PPM1H: variants seen among roughly 807,000 people sequenced by gnomAD.
PPM1H encodes the protein protein phosphatase, Mg2+/Mn2+ dependent 1H.
PPM1H carries 27 observed loss-of-function variants against 54.9 expected under a neutral mutation model. That is an observed-to-expected ratio of 0.49 (90% CI 0.36 to 0.68). The LOEUF (loss-of-function observed/expected upper bound fraction) is 0.68. PPM1H is among the 30% of genes least tolerant of loss of function. The pLI, the probability that PPM1H is intolerant of heterozygous loss-of-function variation, is 0.00. For synonymous variants in PPM1H, 305 were observed against 270.8 expected (o/e 1.13, Z -1.24); for missense variants, 596 against 667.8 (o/e 0.89, Z 1.19).
intron 4 of PPM1H, among the ~76,000 whole-genome samples, chr12:62,770,202 T>G (rs186128071): frequency 8.1e-4 from 123 of 152,282 alleles, no homozygotes; most frequent in African/African-American, 2.9e-3. Context: ...AAAACACTTA[T>G]TGAGCATTTA....
chr12:62,670,934 T>C (rs1218687220), intron 8 of PPM1H, among the ~76,000 whole-genome samples: 1 of 152,182 alleles, frequency 6.6e-6, no homozygotes, highest in Non-Finnish European at 1.5e-5. Flanking sequence ...TCGTGTCCTA[T>C]ACATTAACCT....
intron 1 of PPM1H, among the ~76,000 whole-genome samples, chr12:62,883,526 A>G (rs1340280573): frequency 6.6e-6 from 1 of 152,106 alleles, no homozygotes; most frequent in Non-Finnish European, 1.5e-5. Flanking sequence ...AATATTCATG[A>G]CCCTTGGATA....
intron 4 of PPM1H, among the ~76,000 whole-genome samples, chr12:62,750,975 A>G (rs2076439532): frequency 6.6e-6 from 1 of 152,248 alleles, no homozygotes; most frequent in Non-Finnish European, 1.5e-5. Context: ...ACGGTTCCCC[A>G]GCACAAATGT....
intron 1 of PPM1H, among the ~76,000 whole-genome samples, chr12:62,913,963 G>A (rs995055791): frequency 3.3e-5 from 5 of 152,120 alleles, no homozygotes; most frequent in African/African-American, 1.2e-4. Context: ...GCCTCCCAAA[G>A]TGCTGGGATT....
chr12:62,804,351 C>CAAAAAAAAAAAAA (rs371143962), intron 2 of PPM1H, among the ~76,000 whole-genome samples: 2 of 137,618 alleles, frequency 1.5e-5, no homozygotes, highest in African/African-American at 3.0e-5. Flanking sequence ...GACCCTGTCT[C>CAAAAAAAAAAAAA]AAAAAAAAAA....
At chr12:62,850,624 T>C (rs983876612) in intron 1 of PPM1H, 42 of 149,222 alleles carry the variant, frequency 2.8e-4, no homozygotes, top group Admixed American at 2.0e-4. Flanking sequence ...GTTGAAACTA[T>C]GTATATATGG....
chr12:62,694,098 C>A, intron 6 of PPM1H, 99 bp from the exon 7 acceptor site: 1 of 1,006,440 alleles, frequency 9.9e-7, no homozygotes, highest in South Asian at 1.5e-5. Context: ...CCTGAGACCC[C>A]ATCCACTCAC....
chr12:62,752,290 C>A (rs1292527217), intron 4 of PPM1H, among the ~76,000 whole-genome samples: 1 of 152,052 alleles, frequency 6.6e-6, no homozygotes, highest in Non-Finnish European at 1.5e-5. Context: ...TAGTAATTTA[C>A]TTGGAACTTC....
At chr12:62,774,532 G>T (rs2076598475) in intron 4 of PPM1H, among the ~76,000 whole-genome samples, 1 of 152,080 alleles carries the variant, frequency 6.6e-6, no homozygotes, top group Non-Finnish European at 1.5e-5. Flanking sequence ...GGTAGAGATG[G>T]GATCTCATCA....
At chr12:62,820,257 G>A (rs890588391) in intron 2 of PPM1H, among the ~76,000 whole-genome samples, 3 of 152,206 alleles carry the variant, frequency 2.0e-5, no homozygotes, top group Non-Finnish European at 2.9e-5. Context: ...GGGGAAGCTC[G>A]AACTGGGCAG....
intron 4 of PPM1H, among the ~76,000 whole-genome samples, chr12:62,776,123 C>G (rs2076609556): frequency 6.6e-6 from 1 of 152,130 alleles, no homozygotes; most frequent in Admixed American, 6.5e-5. Context: ...TCAGTTACCT[C>G]CCACCTGGTC....
Position 62,714,381 on chromosome 12 carries a change from C to T in PPM1H, c.1073+5790G>A, listed in dbSNP as rs575147139. Among the ~76,000 whole-genome samples the T allele has an allele frequency of 2.4e-4, 36 of 152,138 alleles. 1 individual carries two copies. The highest frequency in any genetic ancestry group is 2.8e-4 in the Non-Finnish European group (19 of 68,018). On this transcript the variant is annotated intron_variant, in intron 6 of 9. Coordinates refer to ENST00000228705, the MANE Select transcript of PPM1H (RefSeq NM_020700.2). ...CTCCACTCTGCTCCCAGTGGAAAAT[C>T]CCCTATTTGCTCATAGTTTTAAGGG...
intron 4 of PPM1H, among the ~76,000 whole-genome samples, chr12:62,757,430 G>A (rs2076483142): frequency 6.6e-6 from 1 of 152,158 alleles, no homozygotes; most frequent in Non-Finnish European, 1.5e-5. Context: ...AATATTTTAA[G>A]TTCTAGAGAA....
intron 4 of PPM1H, among the ~76,000 whole-genome samples, chr12:62,777,920 T>C (rs551361955): frequency 6.6e-6 from 1 of 152,334 alleles, no homozygotes; most frequent in Non-Finnish European, 1.5e-5. Flanking sequence ...ACTTGTAGGC[T>C]TTTTCATTAT....
At chr12:62,708,049 A>G (rs2076184854) in intron 6 of PPM1H, among the ~76,000 whole-genome samples, 1 of 152,200 alleles carries the variant, frequency 6.6e-6, no homozygotes, top group South Asian at 2.1e-4. Flanking sequence ...GAGGCTTCTG[A>G]AGCTTTCCTT....
chr12:62,797,767 T>C (rs1023294452), intron 3 of PPM1H, among the ~76,000 whole-genome samples: 1 of 152,210 alleles, frequency 6.6e-6, no homozygotes, highest in Non-Finnish European at 1.5e-5. Flanking sequence ...AGCAATTTGA[T>C]AAGGTTAAGA....
intron 3 of PPM1H, among the ~76,000 whole-genome samples, chr12:62,792,089 C>T (rs2076704379): frequency 2.0e-5 from 3 of 152,164 alleles, no homozygotes; most frequent in African/African-American, 7.2e-5. Context: ...GCAACAAATT[C>T]CTTTGGGACT....
intron 1 of PPM1H, among the ~76,000 whole-genome samples, chr12:62,894,416 C>A (rs1870909451): frequency 6.6e-6 from 1 of 152,162 alleles, no homozygotes; most frequent in Non-Finnish European, 1.5e-5. Context: ...ACAAGGAACT[C>A]TCCTAGTATG....
intron 6 of PPM1H, among the ~76,000 whole-genome samples, chr12:62,705,375 T>G (rs1341244247): frequency 1.3e-5 from 2 of 152,200 alleles, no homozygotes; most frequent in Non-Finnish European, 2.9e-5. Context: ...CATTTGCAAG[T>G]ATTTACTGAG....
Sources: allele counts gnomAD v4.1 joint callset (sites outside exome capture counted in the v4.1 genomes callset), GRCh38; gene constraint gnomAD v4.1.1; transcripts MANE v1.5; gene names NCBI Gene and HGNC (gene_info 2026-07-23, HGNC 2026-07-21).